Variants in SNTG1 observed in about 807,000 individuals in gnomAD.
The protein encoded by SNTG1 is gamma-1-syntrophin.
Under a neutral mutation model 74.7 loss-of-function variants are expected in SNTG1, and 39 were observed. The ratio of observed to expected loss-of-function variants is 0.52; its 90% CI spans 0.40 to 0.68. The LOEUF is 0.68. Ranked by LOEUF, SNTG1 falls within the 30% of genes least tolerant of loss-of-function variation. The pLI is 0.00. For missense variants in SNTG1, 685 were observed against 609.5 expected (o/e 1.12, Z -1.30); for synonymous variants, 254 against 217.1 (o/e 1.17, Z -1.49).
At chr8:50,568,500 A>G (rs1284646958) in intron 12 of SNTG1, among the ~76,000 whole-genome samples, 1 of 151,838 alleles carries the variant, frequency 6.6e-6, no homozygotes, top group East Asian at 1.9e-4. Flanking sequence ...AGCCTCTGTT[A>G]TTGCTTGTCT....
rs1331876695 is a variant in SNTG1, at chr8:50,658,573, A to G, written c.967-19A>G. On this transcript the variant is annotated intron_variant, in intron 14 of 18. Transcript: ENST00000642720. ...AACTTTCTAAAACAAATTAAACATTATTTTCTTATCTTTTAAAGGTGACCA... is the reference window on the plus strand; with the variant it reads ...AACTTTCTAAAACAAATTAAACATTGTTTTCTTATCTTTTAAAGGTGACCA... 2 of 1,543,500 alleles carry G rather than the reference A, an allele frequency of 1.3e-6. No individual in the cohort carries two copies. Among genetic ancestry groups the G allele is most frequent in the African/African-American group, 2.7e-5 (2 of 73,430 alleles).
intron 2 of SNTG1, among the ~76,000 whole-genome samples, chr8:50,341,596 T>C (rs971628057): frequency 6.6e-6 from 1 of 151,894 alleles, no homozygotes; most frequent in Non-Finnish European, 1.5e-5. Flanking sequence ...TAAATTTTAA[T>C]AGGAGGAAAG....
chr8:50,418,901 T>A (rs1317168994), intron 4 of SNTG1, among the ~76,000 whole-genome samples: 1 of 152,240 alleles, frequency 6.6e-6, no homozygotes, highest in African/African-American at 2.4e-5. Context: ...TAGCTTTCTG[T>A]CAAAAATATA....
intron 1 of SNTG1, among the ~76,000 whole-genome samples, chr8:49,989,663 C>T (rs1482438253): frequency 2.0e-5 from 3 of 151,792 alleles, no homozygotes; most frequent in Admixed American, 6.6e-5. Flanking sequence ...AACTACATCC[C>T]CCTGTCTCTA....
intron 2 of SNTG1, among the ~76,000 whole-genome samples, chr8:50,279,350 A>C (rs189698166): frequency 8.5e-5 from 13 of 152,288 alleles, no homozygotes; most frequent in Non-Finnish European, 1.6e-4. Context: ...AATGAAAAAC[A>C]AAATCTGAGT....
intron 15 of SNTG1, among the ~76,000 whole-genome samples, chr8:50,672,206 A>G (rs546436153): frequency 6.7e-6 from 1 of 149,392 alleles, no homozygotes; most frequent in Admixed American, 6.6e-5. Flanking sequence ...ATAATAAAAA[A>G]AAATGTCTGG....
chr8:50,782,722 A>G (rs999784337), intron 18 of SNTG1, among the ~76,000 whole-genome samples: 1 of 152,128 alleles, frequency 6.6e-6, no homozygotes, highest in Non-Finnish European at 1.5e-5. Flanking sequence ...GTCATTCTCC[A>G]TCCAGCTTTG....
At chr8:50,647,346 A>T (rs2095115767) in intron 13 of SNTG1, among the ~76,000 whole-genome samples, 1 of 152,054 alleles carries the variant, frequency 6.6e-6, no homozygotes, top group South Asian at 2.1e-4. Context: ...TACACAGAGA[A>T]CTCTTAAAAC....
At chr8:50,238,901 T>C (rs2086042572) in intron 2 of SNTG1, among the ~76,000 whole-genome samples, 1 of 152,132 alleles carries the variant, frequency 6.6e-6, no homozygotes, top group Non-Finnish European at 1.5e-5. Flanking sequence ...ATGCTCAACA[T>C]TATTAATCAT....
At chr8:50,002,495 A>G (rs1044899785) in intron 1 of SNTG1, among the ~76,000 whole-genome samples, 13 of 152,188 alleles carry the variant, frequency 8.5e-5, no homozygotes, top group Non-Finnish European at 1.8e-4. Flanking sequence ...TTTAAGGTCA[A>G]CAATAAAAAC....
chr8:50,540,329 CT>C (rs1338802951), intron 11 of SNTG1, among the ~76,000 whole-genome samples: 1 of 151,944 alleles, frequency 6.6e-6, no homozygotes, highest in Admixed American at 6.6e-5. Flanking sequence ...TTCTAATTAT[CT>C]TTTTTTGCTA....
At chr8:49,911,095 G>C (rs931914564), upstream of SNTG1, 3 of 152,144 alleles carry the variant, frequency 2.0e-5, no homozygotes, top group Non-Finnish European at 4.4e-5. Context: ...TTCATTCTCT[G>C]TCTTTTAAAA....
chr8:50,190,532 T>C lies in SNTG1; in HGVS notation c.-28+17897T>C, dbSNP rs183489351. 1.4e-3 allele frequency among the ~76,000 whole-genome samples: 216 copies of C among 152,298 alleles called. No homozygotes were observed. The Middle Eastern group carries it at 0.02, about 14-fold the overall frequency. On this transcript the variant is annotated intron_variant, in intron 2 of 18. Transcript: ENST00000642720. The stretch of plus-strand genomic sequence containing the variant: ...ATTTCTCTTTGAGAAAAAAAGGTAA[T>C]GAATTGGCCGTAACTAATTAGCATG...
At chr8:50,070,646 A>C (rs1243876373) in intron 1 of SNTG1, among the ~76,000 whole-genome samples, 2 of 152,220 alleles carry the variant, frequency 1.3e-5, no homozygotes, top group Non-Finnish European at 1.5e-5. Context: ...AACAAAAAGA[A>C]ATGATTTCAA....
At chr8:50,363,902 T>A (rs1415047972) in intron 2 of SNTG1, among the ~76,000 whole-genome samples, 1 of 152,062 alleles carries the variant, frequency 6.6e-6, no homozygotes, top group Non-Finnish European at 1.5e-5. Flanking sequence ...CCTATTAGAT[T>A]ACTGGCTTAA....
At position 50,578,070 on chromosome 8, in the gene SNTG1, G is replaced by A. The variant is rs1255471084; in HGVS notation, c.811-12809G>A. ...TAGCTAATTTTTTCTGATAACACTT[G>A]TTAGGGTCATATGGACATTCTGCTA... is the stretch of plus-strand genomic sequence containing the variant. On this transcript the variant is annotated intron_variant, in intron 12 of 18. Transcript: ENST00000642720. 2.6e-5 allele frequency among the ~76,000 whole-genome samples: 4 copies of A among 152,204 alleles called. No homozygotes were observed. The East Asian group carries it at 7.7e-4, about 29-fold the overall frequency.
At chr8:50,665,832 A>G (rs752031514) in intron 15 of SNTG1, among the ~76,000 whole-genome samples, 3 of 152,158 alleles carry the variant, frequency 2.0e-5, no homozygotes, top group South Asian at 2.1e-4. Flanking sequence ...TAAAGAAGTG[A>G]AAAATGTGAC....
intron 10 of SNTG1, among the ~76,000 whole-genome samples, chr8:50,536,347 C>T (rs1327049448): frequency 6.6e-6 from 1 of 152,162 alleles, no homozygotes; most frequent in African/African-American, 2.4e-5. Flanking sequence ...ATTATAGTTA[C>T]AGTTTTTTCC....
At chr8:50,103,558 C>T (rs1275729497) in intron 1 of SNTG1, among the ~76,000 whole-genome samples, 1 of 152,194 alleles carries the variant, frequency 6.6e-6, no homozygotes, top group Non-Finnish European at 1.5e-5. Flanking sequence ...TTATTTCCTT[C>T]TCCTGCCTAA....
Sources: gnomAD v4.1 joint callset for allele counts (sites outside exome capture counted in the v4.1 genomes callset) on GRCh38, gnomAD v4.1.1 for gene constraint, MANE v1.5 for transcripts, NCBI Gene and HGNC (gene_info 2026-07-23, HGNC 2026-07-21) for gene names.